PLSCR2: variants seen among roughly 807,000 people sequenced by gnomAD.
PLSCR2 encodes the protein phospholipid scramblase 2, also known as PL scramblase 2.
In PLSCR2, 18 loss-of-function variants were observed where a neutral mutation model predicts 25.3. The observed-to-expected ratio is 0.71, with a 90% CI of 0.49 to 1.06. The LOEUF (loss-of-function observed/expected upper bound fraction) is 1.06. PLSCR2 is among the 50% of genes least tolerant of loss of function. PLSCR2 has a pLI of 0.00. For synonymous variants in PLSCR2, 88 were observed against 87.3 expected (o/e 1.01, Z -0.04); for missense variants, 243 against 269.5 (o/e 0.90, Z 0.69).
At chr3:146,454,302 A>G (rs1018175641) in intron 4 of PLSCR2, 139 bp from the exon 5 acceptor site, 46 of 545,072 alleles carry the variant, frequency 8.4e-5, no homozygotes, top group Non-Finnish European at 1.1e-4. Flanking sequence ...TAAAGATTGA[A>G]TAAGGTAAAG....
intron 1 of PLSCR2, among the ~76,000 whole-genome samples, chr3:146,493,862 C>T (rs2043649515): frequency 8.2e-6 from 1 of 121,384 alleles, no homozygotes; most frequent in South Asian, 2.8e-4. Context: ...TCACTGGATT[C>T]ATTCCATAGA....
chr3:146,415,563 A>G (rs907414123), intron 2 of PLSCR2, among the ~76,000 whole-genome samples: 2 of 152,168 alleles, frequency 1.3e-5, no homozygotes, highest in Non-Finnish European at 2.9e-5. Context: ...TTATATTTAT[A>G]TCATAATTTA....
downstream of PLSCR2, among the ~76,000 whole-genome samples, chr3:146,430,653 G>A (rs748708022): frequency 4.6e-5 from 7 of 152,114 alleles, no homozygotes; most frequent in Middle Eastern, 3.2e-3. Flanking sequence ...TTAACTTGAT[G>A]CCAGGAGTCC....
chr3:146,458,385 C>G (rs1434453944), intron 3 of PLSCR2, 26 bp downstream of exon 3: 1 of 1,482,506 alleles, frequency 6.7e-7, no homozygotes, highest in African/African-American at 1.4e-5. Flanking sequence ...CTTTTTAGAA[C>G]TATGAGCAAT....
At chr3:146,419,962 A>G (rs977129912) in intron 2 of PLSCR2, among the ~76,000 whole-genome samples, 14 of 152,096 alleles carry the variant, frequency 9.2e-5, no homozygotes, top group African/African-American at 3.4e-4. Context: ...CTTGGGGGCC[A>G]TTATTCTATC....
chr3:146,479,648 C>G (rs2043058839), intron 1 of PLSCR2, among the ~76,000 whole-genome samples: 1 of 152,144 alleles, frequency 6.6e-6, no homozygotes, highest in Non-Finnish European at 1.5e-5. Context: ...GAGACTTCAA[C>G]ACTCCACTAT....
intron 1 of PLSCR2, among the ~76,000 whole-genome samples, chr3:146,470,233 A>G (rs2042064477): frequency 6.6e-6 from 1 of 152,136 alleles, no homozygotes. Flanking sequence ...CAATAAATAA[A>G]TACATATTGC....
At chr3:146,480,873 AG>A (rs1471748452) in intron 1 of PLSCR2, among the ~76,000 whole-genome samples, 1 of 152,178 alleles carries the variant, frequency 6.6e-6, no homozygotes, top group Admixed American at 6.5e-5. Context: ...CACATCAAAA[AG>A]CTTATCCACC....
exon 1 of PLSCR2, chr3:146,460,182 A>G: frequency 1.4e-6 from 2 of 1,402,482 alleles, no homozygotes; most frequent in African/African-American, 1.4e-5. Flanking sequence ...CTCTCAGCTC[A>G]GAAGTCCTAT....
chr3:146,449,431 A>G, intron 5 of PLSCR2, 64 bp from the exon 6 acceptor site: 4 of 1,090,392 alleles, frequency 3.7e-6, no homozygotes, highest in Non-Finnish European at 5.4e-6. Flanking sequence ...ATTACTTTTA[A>G]CACTGGAGTA....
At chr3:146,437,438 T>C (rs1028865595), downstream of PLSCR2, among the ~76,000 whole-genome samples, 11 of 152,088 alleles carry the variant, frequency 7.2e-5, no homozygotes, top group Non-Finnish European at 1.2e-4. Context: ...TAATTATTGC[T>C]TCAATTTCAG....
At chr3:146,437,650 G>T, downstream of PLSCR2, among the ~76,000 whole-genome samples, 1 of 151,900 alleles carries the variant, frequency 6.6e-6, no homozygotes. Context: ...GCATCTATTT[G>T]ATTCTTCTCT....
At chr3:146,477,040 T>C (rs549243545) in intron 1 of PLSCR2, among the ~76,000 whole-genome samples, 2 of 152,324 alleles carry the variant, frequency 1.3e-5, no homozygotes, top group South Asian at 2.1e-4. Flanking sequence ...TCGGATCTCA[T>C]GCCTCCCAGC....
chr3:146,429,096 T>C (rs1407751579), downstream of PLSCR2, among the ~76,000 whole-genome samples: 1 of 152,114 alleles, frequency 6.6e-6, no homozygotes, highest in African/African-American at 2.4e-5. Flanking sequence ...TGAGGCCGAG[T>C]AATTTATAAA....
rs183805502 is a variant in PLSCR2, at chr3:146,447,460, C to G, written c.645+1746G>C. Among the ~76,000 whole-genome samples the G allele has an allele frequency of 7.3e-3, 1,118 of 152,304 alleles. 14 individuals carry two copies. Among genetic ancestry groups the G allele is most frequent in the African/African-American group, 0.026 (1,066 of 41,556 alleles). Reference sequence around the variant, plus strand: ...CCTTCTCTTCAAGGCAGCAGGTTCCCTTCTGGCCAGCAGTGTCTTTAGAAA... The same window carrying G: ...CCTTCTCTTCAAGGCAGCAGGTTCCGTTCTGGCCAGCAGTGTCTTTAGAAA... On this transcript the variant is annotated intron_variant, in intron 6 of 6. Transcript: ENST00000610787.
chr3:146,459,363 T>A (rs542272763), intron 2 of PLSCR2, among the ~76,000 whole-genome samples: 2 of 152,312 alleles, frequency 1.3e-5, no homozygotes, highest in African/African-American at 4.8e-5. Flanking sequence ...AGTATTGGAA[T>A]TAAAAAGCGC....
intron 3 of PLSCR2, among the ~76,000 whole-genome samples, chr3:146,392,592 G>C (rs576927951): frequency 6.6e-6 from 1 of 151,250 alleles, no homozygotes; most frequent in South Asian, 2.1e-4. Flanking sequence ...GGTCATATTT[G>C]TTGTGTATTT....
rs913653331 is a variant in PLSCR2 at position 146,469,635 on chromosome 3, C to A, written c.-292-9351G>T. ...GCGGAAAAGGGGCCTGGACCAGCCT[C>A]AGAGTCTACACCTGCAGCAGCCCCT... On this transcript the variant is annotated intron_variant, in intron 1 of 8. Coordinates refer to the PLSCR2 transcript ENST00000336685. The A allele has an allele frequency of 4.5e-6, 4 of 888,968 alleles. No individual in the cohort carries two copies. The African/African-American group carries it at 7.2e-5, about 16-fold the overall frequency. The allele number at this position is 888,968 out of a possible 1,614,324, so 55.1% of individuals were successfully genotyped here. A position where few individuals can be genotyped will look rare whatever the true frequency, so the allele number is the denominator to read the frequency against.
chr3:146,442,756 T>C (rs1244965083), intron 6 of PLSCR2, among the ~76,000 whole-genome samples: 2 of 151,966 alleles, frequency 1.3e-5, no homozygotes, highest in Non-Finnish European at 1.5e-5. Context: ...CAAATATATA[T>C]ACAGAAGAAT....
Sources: gnomAD v4.1 joint callset for allele counts (sites outside exome capture counted in the v4.1 genomes callset) on GRCh38, gnomAD v4.1.1 for gene constraint, MANE v1.5 for transcripts, NCBI Gene and HGNC (gene_info 2026-07-23, HGNC 2026-07-21) for gene names.